MKNK1: variants seen among roughly 807,000 people sequenced by gnomAD.
MKNK1 encodes the protein MAPK interacting serine/threonine kinase 1.
Under a neutral mutation model 49.3 loss-of-function variants are expected in MKNK1, and 30 were observed. That is an observed-to-expected ratio of 0.61 (90% CI 0.46 to 0.83). The LOEUF (loss-of-function observed/expected upper bound fraction) is 0.83. MKNK1 is among the 40% of genes least tolerant of loss of function. The pLI, the probability that MKNK1 is intolerant of heterozygous loss-of-function variation, is 0.00. For missense variants in MKNK1, 423 were observed against 524.7 expected (o/e 0.81, Z 1.89); for synonymous variants, 176 against 201.7 (o/e 0.87, Z 1.08).
rs774420397 is a variant in MKNK1 at position 46,562,859 on chromosome 1, T to G, written c.610-16A>C. ...CAGAGCCACACTGTGGGGGCCAGGG[T>G]TGGGGGAGGGGGAGATGGCAGAGAA... On this transcript the variant is annotated splice_polypyrimidine_tract_variant and intron_variant, in intron 9 of 12. Coordinates refer to ENST00000371945, the MANE Select transcript of MKNK1 (RefSeq NM_001135553.4). 8.2e-6 allele frequency: 13 copies of G among 1,593,592 alleles called. No homozygotes were observed. Among genetic ancestry groups the G allele is most frequent in the African/African-American group, 1.4e-5 (1 of 73,750 alleles).
intron 7 of MKNK1, chr1:46,570,345 G>C (rs1419511018): frequency 2.6e-5 from 4 of 152,348 alleles, no homozygotes; most frequent in African/African-American, 4.8e-5. Context: ...TGTCAGGCAG[G>C]TGTTACCTCT....
chr1:46,570,271 T>G (rs1669866623), intron 7 of MKNK1: 1 of 152,188 alleles, frequency 6.6e-6, no homozygotes, highest in South Asian at 2.1e-4. Context: ...GGTGTGGATC[T>G]TGTAAAAAGC....
At chr1:46,595,936 C>G (rs1449583338) in intron 1 of MKNK1, among the ~76,000 whole-genome samples, 1 of 152,104 alleles carries the variant, frequency 6.6e-6, no homozygotes, top group African/African-American at 2.4e-5. Context: ...TTTGTAGACA[C>G]AGGGTCTCAC....
intron 12 of MKNK1, 115 bp from the exon 13 acceptor site, chr1:46,558,915 G>A: frequency 1.2e-6 from 1 of 852,122 alleles, no homozygotes; most frequent in Non-Finnish European, 1.8e-6. Context: ...AGATTTCCCA[G>A]AGCTGGGACG....
At chr1:46,572,669 T>C (rs1181143574) in intron 6 of MKNK1, among the ~76,000 whole-genome samples, 1 of 152,112 alleles carries the variant, frequency 6.6e-6, no homozygotes, top group Admixed American at 6.5e-5. Context: ...TAAACAAAAC[T>C]GGACTACTCT....
At chr1:46,593,668 G>A (rs1673644009) in intron 2 of MKNK1, 2 of 153,792 alleles carry the variant, frequency 1.3e-5, no homozygotes, top group South Asian at 3.9e-4. Flanking sequence ...AGGCCAGCCT[G>A]GCTAACATGA....
chr1:46,594,276 G>A lies in MKNK1; in HGVS notation c.-166C>T. 2.7e-6 allele frequency: 2 copies of A among 748,780 alleles called. No homozygotes were observed. Among genetic ancestry groups the A allele is most frequent in the South Asian group, 2.8e-5 (2 of 70,624 alleles). The allele number at this position is 748,780 out of a possible 1,614,324, so 46.4% of individuals were successfully genotyped here. A position where few individuals can be genotyped will look rare whatever the true frequency, so the allele number is the denominator to read the frequency against. ...CAGTTCTCCATCGGCCTCTGACATG[G>A]AAACCTTGAAAAAGCAGAAATAGAA... is the stretch of plus-strand genomic sequence containing the variant. On this transcript the variant is annotated 5_prime_UTR_variant, in exon 2 of 13. Transcript: ENST00000371945.
In MKNK1 at chr1:46,565,033, A is replaced by G. The variant is rs367852091; in HGVS notation, c.609+8T>C. The G allele has an allele frequency of 6.2e-7, 1 of 1,612,174 alleles. No homozygotes were observed. On this transcript the variant is annotated splice_region_variant and intron_variant, in intron 9 of 12. Coordinates refer to ENST00000371945, the MANE Select transcript of MKNK1 (RefSeq NM_001135553.4). Reference sequence around the variant, plus strand: ...AAATACTTAGGAGCCCAGAGGAAGCATACGTACTGGGGTGGTCAGCTCTGG... The same window carrying G: ...AAATACTTAGGAGCCCAGAGGAAGCGTACGTACTGGGGTGGTCAGCTCTGG...
intron 1 of MKNK1, among the ~76,000 whole-genome samples, chr1:46,601,719 C>T (rs972161361): frequency 2.0e-5 from 3 of 152,198 alleles, no homozygotes; most frequent in African/African-American, 7.2e-5. Flanking sequence ...CCATTCTGAA[C>T]CTGACAGCTC....
chr1:46,565,205 C>T (rs1045602330), intron 8 of MKNK1, 69 bp from the exon 9 acceptor site: 43 of 1,419,728 alleles, frequency 3.0e-5, no homozygotes, highest in Non-Finnish European at 4.2e-5. Context: ...CCAGGCATGG[C>T]TGTACGGGTG....
chr1:46,558,922 G>A (rs1274518719), intron 12 of MKNK1, 122 bp from the exon 13 acceptor site: 7 of 801,546 alleles, frequency 8.7e-6, no homozygotes, highest in Non-Finnish European at 1.4e-5. Context: ...CCAGAGCTGG[G>A]ACGGGCTGCT....
At chr1:46,562,890 A>AGGCTTAGTTACAGCAGAGG in intron 9 of MKNK1, 47 bp from the exon 10 acceptor site, 1 of 1,487,738 alleles carries the variant, frequency 6.7e-7, no homozygotes, top group Non-Finnish European at 9.1e-7. Flanking sequence ...GAGAACAGAG[A>AGGCTTAGTTACAGCAGAGG]GGCTTAGTTA....
chr1:46,567,181 G>A (rs1005738933), intron 8 of MKNK1, among the ~76,000 whole-genome samples: 3 of 152,114 alleles, frequency 2.0e-5, no homozygotes, highest in Non-Finnish European at 4.4e-5. Context: ...GGCCTCAAGG[G>A]ATCCTCCTGC....
rs566002861 is a variant in MKNK1, at chr1:46,583,874, A to G, written c.-2-545T>C. Among the ~76,000 whole-genome samples the G allele has an allele frequency of 1.1e-4, 17 of 152,330 alleles. No homozygotes were observed. In the East Asian group the frequency reaches 3.3e-3, roughly 29 times the overall value. ...TAGGGCTGGGGTTCAAAATAGCCCC[A>G]AATTACTTCATGTCCAAGAGCACGG... On this transcript the variant is annotated intron_variant, in intron 2 of 12. Transcript: ENST00000371945.
intron 1 of MKNK1, among the ~76,000 whole-genome samples, chr1:46,602,495 A>C (rs1166877661): frequency 2.6e-5 from 4 of 152,184 alleles, no homozygotes; most frequent in Non-Finnish European, 4.4e-5. Context: ...GGAAACAGGG[A>C]GGGGAGAGGT....
At chr1:46,566,059 C>T (rs1184530578) in intron 8 of MKNK1, among the ~76,000 whole-genome samples, 5 of 152,148 alleles carry the variant, frequency 3.3e-5, no homozygotes, top group Admixed American at 3.3e-4. Context: ...CAGGGTTGTG[C>T]AACCATCACC....
At chr1:46,577,376 G>A (rs1313661008) in intron 4 of MKNK1, among the ~76,000 whole-genome samples, 1 of 152,170 alleles carries the variant, frequency 6.6e-6, no homozygotes, top group Non-Finnish European at 1.5e-5. Flanking sequence ...AGCTACTCAG[G>A]AGGCTGAGGC....
At chr1:46,579,855 TGCTCAGTC>T (rs1418591874) in intron 4 of MKNK1, among the ~76,000 whole-genome samples, 1 of 151,834 alleles carries the variant, frequency 6.6e-6, no homozygotes, top group Non-Finnish European at 1.5e-5. Context: ...CAAAACTGAG[TGCTCAGTC>T]GCTTTAGTTT....
chr1:46,572,222 G>C, intron 6 of MKNK1, 55 bp from the exon 7 acceptor site: 1 of 1,297,190 alleles, frequency 7.7e-7, no homozygotes, highest in Non-Finnish European at 1.1e-6. Context: ...GTAAGTATAA[G>C]TTTTTTTTTT....
Sources: gnomAD v4.1 joint callset for allele counts (sites outside exome capture counted in the v4.1 genomes callset) on GRCh38, gnomAD v4.1.1 for gene constraint, MANE v1.5 for transcripts, NCBI Gene and HGNC (gene_info 2026-07-23, HGNC 2026-07-21) for gene names.